ZNF473: variants seen among roughly 807,000 people sequenced by gnomAD.
The protein encoded by ZNF473 is zinc finger protein 100 homolog.
Under a neutral mutation model 11.1 loss-of-function variants are expected in ZNF473, and 4 were observed. The observed-to-expected ratio is 0.36, with a 90% CI of 0.18 to 0.82. The LOEUF (loss-of-function observed/expected upper bound fraction) is 0.82, where lower values mean the gene tolerates loss of function less well. Ranked by LOEUF, ZNF473 falls within the 40% of genes least tolerant of loss-of-function variation. The probability of loss-of-function intolerance (pLI) is 0.49; values close to 1 mark genes in which losing one functional copy is unlikely to be tolerated. For synonymous variants in ZNF473, 404 were observed against 390.4 expected, an observed-to-expected ratio of 1.03 and a Z score of -0.41; for missense variants, 854 against 1,084.0, an observed-to-expected ratio of 0.79 and a Z score of 2.98.
chr19:50,043,753 A>G (rs781490019), intron 4 of ZNF473, among the ~76,000 whole-genome samples: 1 of 151,944 alleles, frequency 6.6e-6, no homozygotes, highest in Non-Finnish European at 1.5e-5. Flanking sequence ...ATGGTAGAGG[A>G]TGGTCAGTGC....
At chr19:50,034,269 A>G (rs1262835312) in intron 2 of ZNF473, among the ~76,000 whole-genome samples, 1 of 151,876 alleles carries the variant, frequency 6.6e-6, no homozygotes, top group Non-Finnish European at 1.5e-5. Context: ...CACCCCCTCC[A>G]TTGCTGCCAC....
At chr19:50,030,113 A>C (rs956679697) in intron 1 of ZNF473, among the ~76,000 whole-genome samples, 1 of 152,130 alleles carries the variant, frequency 6.6e-6, no homozygotes, top group Admixed American at 6.5e-5. Context: ...GGCCTCCCAA[A>C]GTACTGAGAT....
intron 2 of ZNF473, among the ~76,000 whole-genome samples, chr19:50,037,382 T>C (rs1292003164): frequency 6.6e-6 from 1 of 152,180 alleles, no homozygotes; most frequent in Non-Finnish European, 1.5e-5. Context: ...GTTTTCATTC[T>C]TTCTTAAAAT....
chr19:50,039,344 G>A lies in ZNF473; in HGVS notation c.136+57G>A. The stretch of plus-strand genomic sequence containing the variant: ...ACTGCCCTGCTTGGTGATCACCCAT[G>A]CTCTCTACCACCCACAGGGTGAAGT... On this transcript the variant is annotated intron_variant, in intron 3 of 4. Transcript: ENST00000270617. This position sits in a 1 kb window ranked among gnomAD's most constrained non-coding sequence, Gnocchi z 4.8. 1 of 1,604,048 alleles carries A rather than the reference G, an allele frequency of 6.2e-7. No individual in the cohort carries two copies. Among genetic ancestry groups the A allele is most frequent in the African/African-American group, 1.3e-5 (1 of 74,896 alleles).
chr19:50,046,249 A>C lies in ZNF473; in HGVS notation c.1806A>C (p.Gln602His), dbSNP rs372295258. 3 of 1,613,904 alleles carry C rather than the reference A, an allele frequency of 1.9e-6. No individual in the cohort carries two copies. The highest frequency in any genetic ancestry group is 2.5e-6 in the Non-Finnish European group (3 of 1,179,940). Reference sequence around the variant, plus strand: ...ACCAGTGTGGGAAAGCCTTTGGCCAAAGTACTCGGCTCATTCACCATCAAA... The same window carrying C: ...ACCAGTGTGGGAAAGCCTTTGGCCACAGTACTCGGCTCATTCACCATCAAA... ...ECDQCGKAFG[Q>H]STRLIHHQRI... is the part of the protein sequence containing the mutation. Residue 602 changes from glutamine to histidine, a missense_variant, in exon 5 of 5, where the codon CAA becomes CAC. By Grantham distance (24) the Gln-to-His change is conservative (BLOSUM62 0). This residue lies in a region of ZNF473 where 668 missense variants were observed against 790.2 expected (regional missense o/e 0.85). Coordinates refer to ENST00000270617, the MANE Select transcript of ZNF473 (RefSeq NM_015428.4). The surrounding 1 kb of genome is among the most constrained non-coding windows in gnomAD (Gnocchi z 5.9).
chr19:50,040,092 C>G (rs967862420), intron 3 of ZNF473, among the ~76,000 whole-genome samples: 2 of 152,154 alleles, frequency 1.3e-5, no homozygotes, highest in African/African-American at 4.8e-5. Context: ...GGAGCACCCA[C>G]AGATTCAGTG....
At chr19:50,042,925 G>C (rs888862740) in intron 4 of ZNF473, 1 of 152,260 alleles carries the variant, frequency 6.6e-6, no homozygotes, top group Non-Finnish European at 1.5e-5. Flanking sequence ...ACAAGATGTG[G>C]TTTCAGAAGG....
chr19:50,029,175 G>A (rs542161625), intron 1 of ZNF473, among the ~76,000 whole-genome samples: 2 of 152,230 alleles, frequency 1.3e-5, no homozygotes, highest in African/African-American at 2.4e-5. Context: ...ACGGAGTCTC[G>A]CTCTGTCGCC....
Position 50,047,231 on chromosome 19 carries a change from A to G in ZNF473, c.*172A>G. 7.8e-6 allele frequency: 5 copies of G among 643,576 alleles called. No individual in the cohort carries two copies. The South Asian group carries it at 1.0e-4, about 13-fold the overall frequency. The allele number at this position is 643,576 out of a possible 1,614,324, so 39.9% of individuals were successfully genotyped here. A position where few individuals can be genotyped will look rare whatever the true frequency, so the allele number is the denominator to read the frequency against. On this transcript the variant is annotated 3_prime_UTR_variant, in exon 5 of 5. Coordinates refer to ENST00000270617, the MANE Select transcript of ZNF473 (RefSeq NM_015428.4). ...GAAAACACAAAAGTGGAGAAGCTGT[A>G]CAACGTCAGGATTCAGAGGTAGGCT...
At chr19:50,035,473 G>GTGTGTGTGTGTT (rs1978372860) in intron 2 of ZNF473, among the ~76,000 whole-genome samples, 1 of 151,550 alleles carries the variant, frequency 6.6e-6, no homozygotes, top group East Asian at 1.9e-4. Flanking sequence ...GTGTGTGTGT[G>GTGTGTGTGTGTT]TGTGTGTGTG....
At chr19:50,031,903 C>A (rs142449694) in intron 2 of ZNF473, among the ~76,000 whole-genome samples, 1 of 152,100 alleles carries the variant, frequency 6.6e-6, no homozygotes, top group Non-Finnish European at 1.5e-5. Flanking sequence ...GAAGCTTTCC[C>A]TGACCTCAAG....
At chr19:50,029,621 T>G (rs2077306750) in intron 1 of ZNF473, among the ~76,000 whole-genome samples, 1 of 152,366 alleles carries the variant, frequency 6.6e-6, no homozygotes, top group South Asian at 2.1e-4. Context: ...TCCGCAGATA[T>G]GTGCTACTTG....
chr19:50,033,538 C>G (rs1025288529), intron 2 of ZNF473, among the ~76,000 whole-genome samples: 2 of 152,144 alleles, frequency 1.3e-5, no homozygotes, highest in Non-Finnish European at 2.9e-5. Flanking sequence ...CCAATTCCTG[C>G]TTAGCATCAC....
At chr19:50,041,667 CACTG>C in intron 3 of ZNF473, 59 bp from the exon 4 acceptor site, 1 of 1,415,738 alleles carries the variant, frequency 7.1e-7, no homozygotes, top group Non-Finnish European at 9.6e-7. Flanking sequence ...AGGAGGTTCT[CACTG>C]AGTGTCTGGA....
chr19:50,043,841 G>A (rs1978922396), intron 4 of ZNF473, among the ~76,000 whole-genome samples: 1 of 150,076 alleles, frequency 6.7e-6, no homozygotes, highest in African/African-American at 2.5e-5. Flanking sequence ...GCCTTTCAGA[G>A]AAGGGTGATA....
intron 2 of ZNF473, among the ~76,000 whole-genome samples, chr19:50,031,926 C>T (rs1213936569): frequency 6.6e-6 from 1 of 152,000 alleles, no homozygotes; most frequent in African/African-American, 2.4e-5. Context: ...AATGGCCTCC[C>T]TCTCCCCCTT....
chr19:50,033,627 T>A (rs73935156), intron 2 of ZNF473, among the ~76,000 whole-genome samples: 7,964 of 152,158 alleles, frequency 0.052, 680 homozygotes, highest in African/African-American at 0.18. Context: ...CAACACAAAT[T>A]TATTCTTTTA....
At chr19:50,026,346 G>GA (rs11386821) in intron 1 of ZNF473, among the ~76,000 whole-genome samples, 7,958 of 152,094 alleles carry the variant, frequency 0.052, 682 homozygotes, top group African/African-American at 0.18. Flanking sequence ...TGGCGGGGGG[G>GA]ATCACTTACA....
At chr19:50,038,952 C>T (rs929556974) in intron 2 of ZNF473, among the ~76,000 whole-genome samples, 1 of 152,224 alleles carries the variant, frequency 6.6e-6, no homozygotes, top group African/African-American at 2.4e-5. Context: ...GGTTGACATC[C>T]TGTCCCCTGG....
Sources: gnomAD v4.1 joint callset for allele counts (sites outside exome capture counted in the v4.1 genomes callset) on GRCh38, gnomAD v4.1.1 for gene constraint, gnomAD v4.1.1 regional missense constraint, Gnocchi (gnomAD v3.1) non-coding constraint, MANE v1.5 for transcripts, NCBI Gene and HGNC (gene_info 2026-07-23, HGNC 2026-07-21) for gene names.